The following KANSL3 variants were observed in gnomAD, a reference collection of about 807,000 sequenced individuals.
KANSL3 encodes KAT8 regulatory NSL complex subunit 3.
In KANSL3, 16 loss-of-function variants were observed where a neutral mutation model predicts 89.2. The ratio of observed to expected loss-of-function variants is 0.18; its 90% CI spans 0.12 to 0.27. The LOEUF is 0.27. KANSL3 is among the 10% of genes least tolerant of loss of function. The pLI, the probability that KANSL3 is intolerant of heterozygous loss-of-function variation, is 1.00. For missense variants in KANSL3, 879 were observed against 1,110.6 expected (o/e 0.79, Z 2.96); for synonymous variants, 385 against 419.7 (o/e 0.92, Z 1.01).
At chr2:96,622,224 G>T (rs1322748648) in intron 3 of KANSL3, among the ~76,000 whole-genome samples, 1 of 152,114 alleles carries the variant, frequency 6.6e-6, no homozygotes, top group African/African-American at 2.4e-5. Context: ...AGGAGTTTGA[G>T]ACCAGCTTGG....
chr2:96,605,405 T>C lies in KANSL3; in HGVS notation c.1848A>G (p.Lys616=). ...TAAGGGACACCTTGATCTTCGGTCG[T>C]TTGGAGGTCTTACTGCCAGGAAGGG... is the stretch of plus-strand genomic sequence containing the variant. ...SSPLPGSKTS[K]RPKIKVSLIS... Residue 616 remains lysine (K), a synonymous_variant, in exon 15 of 21, where the codon AAA becomes AAG. Transcript: ENST00000431828. 6.2e-7 allele frequency: 1 copy of C among 1,613,960 alleles called. No individual in the cohort carries two copies. The highest frequency in any genetic ancestry group is 8.5e-7 in the Non-Finnish European group (1 of 1,179,862).
chr2:96,615,632 C>T (rs944674437), intron 5 of KANSL3: 39 of 524,630 alleles, frequency 7.4e-5, no homozygotes, highest in Middle Eastern at 4.0e-4. Flanking sequence ...AAAAGTACTA[C>T]GGTTTGATGC....
At chr2:96,600,456 C>T in intron 20 of KANSL3, 2 of 985,322 alleles carry the variant, frequency 2.0e-6, no homozygotes, top group Non-Finnish European at 2.4e-6. Flanking sequence ...AAAAAGGTAG[C>T]TATGATCCCA....
At chr2:96,637,283 C>T in intron 1 of KANSL3, 98 bp from the exon 2 acceptor site, 2 of 589,992 alleles carry the variant, frequency 3.4e-6, no homozygotes, top group Middle Eastern at 4.5e-4. Flanking sequence ...TACTATCATT[C>T]CTATTGAGTA....
At chr2:96,583,748 G>C in the KANSL3 span, among the ~76,000 whole-genome samples, 9 of 152,324 alleles carry the variant, frequency 5.9e-5, no homozygotes, top group East Asian at 9.6e-4. Flanking sequence ...TTTTGTGGAC[G>C]TAAGTTATCA....
At chr2:96,617,886 T>C (rs988375338) in intron 5 of KANSL3, among the ~76,000 whole-genome samples, 1 of 150,592 alleles carries the variant, frequency 6.6e-6, no homozygotes, top group Non-Finnish European at 1.5e-5. Flanking sequence ...CTCAGGAGGC[T>C]GAGGCAGAAT....
chr2:96,601,562 G>GC (rs1228612023), intron 20 of KANSL3, 81 bp downstream of exon 20: 1 of 1,538,214 alleles, frequency 6.5e-7, no homozygotes, highest in East Asian at 2.3e-5. Context: ...TGCATGGGCA[G>GC]CCCCTTCAAT....
chr2:96,623,966 G>T (rs915609343), intron 3 of KANSL3, among the ~76,000 whole-genome samples: 11 of 152,198 alleles, frequency 7.2e-5, no homozygotes, highest in African/African-American at 2.2e-4. Context: ...CCCCTTTTGG[G>T]GGTACTAGAA....
chr2:96,607,854 C>T (rs1481021597), intron 14 of KANSL3, among the ~76,000 whole-genome samples: 1 of 152,150 alleles, frequency 6.6e-6, no homozygotes, highest in South Asian at 2.1e-4. Flanking sequence ...CTGGACACAT[C>T]GTTAAACACC....
intron 1 of KANSL3, 44 bp from the exon 2 acceptor site, chr2:96,637,229 A>T (rs902006133): frequency 2.5e-5 from 18 of 714,184 alleles, no homozygotes; most frequent in African/African-American, 2.4e-4. Context: ...AATATCCTAA[A>T]TTTCTCCCAA....
At chr2:96,611,661 A>C (rs1462840573) in intron 9 of KANSL3, among the ~76,000 whole-genome samples, 1 of 152,152 alleles carries the variant, frequency 6.6e-6, no homozygotes, top group African/African-American at 2.4e-5. Flanking sequence ...GCATGAAGCA[A>C]AATTAAGGGT....
chr2:96,617,828 C>A (rs2070462300), intron 5 of KANSL3, among the ~76,000 whole-genome samples: 1 of 151,290 alleles, frequency 6.6e-6, no homozygotes, highest in Non-Finnish European at 1.5e-5. Context: ...ACTAAAAATA[C>A]AAAAAAAATT....
chr2:96,623,008 C>G (rs1482983908), intron 3 of KANSL3, among the ~76,000 whole-genome samples: 1 of 152,226 alleles, frequency 6.6e-6, no homozygotes, highest in East Asian at 1.9e-4. Context: ...ACCACTACCT[C>G]ATATTCTATC....
chr2:96,590,402 T>C (rs935364356), downstream of KANSL3, among the ~76,000 whole-genome samples: 1 of 151,710 alleles, frequency 6.6e-6, no homozygotes, highest in African/African-American at 2.4e-5. Context: ...AAGCAATCCT[T>C]CCATTTCAGC....
chr2:96,580,808 C>G, the KANSL3 span, among the ~76,000 whole-genome samples: 1 of 152,220 alleles, frequency 6.6e-6, no homozygotes, highest in Admixed American at 6.5e-5. Context: ...CTACAGTGGG[C>G]TCCACAGGAG....
intron 15 of KANSL3, 117 bp downstream of exon 15, chr2:96,605,203 C>T: frequency 1.1e-6 from 1 of 888,936 alleles, no homozygotes; most frequent in Non-Finnish European, 1.7e-6. Flanking sequence ...GTCTTCTTTG[C>T]TCCGGGCATC....
At chr2:96,628,316 C>G in intron 3 of KANSL3, 2 of 904,720 alleles carry the variant, frequency 2.2e-6, no homozygotes, top group Non-Finnish European at 1.3e-6. Flanking sequence ...CCAGGCCACC[C>G]CAGTGTCTCT....
At chr2:96,631,644 A>T in intron 2 of KANSL3, 162 bp from the exon 3 acceptor site, 1 of 796,922 alleles carries the variant, frequency 1.3e-6, no homozygotes. Context: ...TCTTTCCCAC[A>T]CTTGTCTAGA....
At chr2:96,582,815 A>G in the KANSL3 span, among the ~76,000 whole-genome samples, 1 of 152,234 alleles carries the variant, frequency 6.6e-6, no homozygotes, top group African/African-American at 2.4e-5. Flanking sequence ...TAGGCAGGTA[A>G]GTTTACTAGA....
Sources: gnomAD v4.1 joint callset for allele counts (sites outside exome capture counted in the v4.1 genomes callset) on GRCh38, gnomAD v4.1.1 for gene constraint, MANE v1.5 for transcripts, NCBI Gene and HGNC (gene_info 2026-07-23, HGNC 2026-07-21) for gene names.